Variants in IFT43 observed in about 807,000 individuals in gnomAD.
IFT43 encodes the protein intraflagellar transport 43, also known as intraflagellar transport protein 43 homolog.
In IFT43, 33 loss-of-function variants were observed where a neutral mutation model predicts 32.3. That is an observed-to-expected ratio of 1.02 (90% CI 0.77 to 1.37). The LOEUF is 1.37. Ranked by LOEUF, IFT43 falls within the 40% of genes most tolerant of loss-of-function variation. The pLI, the probability that IFT43 is intolerant of heterozygous loss-of-function variation, is 0.00. For synonymous variants in IFT43, 93 were observed against 98.2 expected, an observed-to-expected ratio of 0.95 and a Z score of 0.31; for missense variants, 274 against 265.9, an observed-to-expected ratio of 1.03 and a Z score of -0.21.
In IFT43 at chr14:76,059,371, G is replaced by C. The variant is rs2037087639; in HGVS notation, c.293G>C (p.Gly98Ala). ...PQSLNGSDYG[G>A]DIPIIPDLEE... is the part of the protein sequence containing the mutation. The stretch of plus-strand genomic sequence containing the variant: ...AGCCTGAATGGATCAGATTATGGAG[G>C]AGGTAAGAGGCCCTTGGAGGAAGTC... The change falls in exon 5 of 9, where the codon GGA (glycine) becomes GCA (alanine). Residue 98 changes from glycine (G) to alanine (A), a missense_variant and splice_region_variant. Coordinates refer to ENST00000314067, the MANE Select transcript of IFT43 (RefSeq NM_001102564.3). 3.1e-6 allele frequency: 5 copies of C among 1,613,996 alleles called. No individual in the cohort carries two copies. Among genetic ancestry groups the C allele is most frequent in the Middle Eastern group, 1.7e-4 (1 of 6,060 alleles).
intron 2 of IFT43, among the ~76,000 whole-genome samples, chr14:76,015,528 A>G (rs1422508851): frequency 6.6e-6 from 1 of 152,336 alleles, no homozygotes; most frequent in South Asian, 2.1e-4. Flanking sequence ...TTATAATACT[A>G]TATCAATTCC....
In IFT43 at chr14:76,081,675, A is replaced by G. The variant is rs116324145; in HGVS notation, c.296-620A>G. The stretch of plus-strand genomic sequence containing the variant: ...AAAATCTTGAGACAGCAAGAAAAGC[A>G]TGATTGTAGAATCAGCATCCCTGAT... On this transcript the variant is annotated intron_variant, in intron 5 of 8. Coordinates refer to ENST00000314067, the MANE Select transcript of IFT43 (RefSeq NM_001102564.3). Among the ~76,000 whole-genome samples the G allele has an allele frequency of 5.3e-3, 810 of 152,334 alleles. 6 individuals are homozygous for G. The highest frequency in any genetic ancestry group is 0.018 in the African/African-American group (766 of 41,570).
chr14:75,990,618 G>A (rs1024611286), intron 2 of IFT43, among the ~76,000 whole-genome samples: 1 of 152,174 alleles, frequency 6.6e-6, no homozygotes, highest in Non-Finnish European at 1.5e-5. Flanking sequence ...GTGTTATGGG[G>A]CCTGGGGCAG....
At chr14:76,025,126 T>G (rs1232070379) in intron 3 of IFT43, among the ~76,000 whole-genome samples, 1 of 152,228 alleles carries the variant, frequency 6.6e-6, no homozygotes, top group East Asian at 1.9e-4. Flanking sequence ...GTGATCGAAT[T>G]TAACTACTTA....
intron 3 of IFT43, among the ~76,000 whole-genome samples, chr14:76,032,899 G>T (rs1415916333): frequency 6.6e-6 from 1 of 152,206 alleles, no homozygotes; most frequent in African/African-American, 2.4e-5. Context: ...GAAGGTCACT[G>T]CAAGGAGCCC....
At chr14:76,011,513 T>G (rs1479099112) in intron 2 of IFT43, among the ~76,000 whole-genome samples, 1 of 152,168 alleles carries the variant, frequency 6.6e-6, no homozygotes, top group Non-Finnish European at 1.5e-5. Flanking sequence ...ATCTCCATTG[T>G]TAAGGAATGT....
Position 76,016,355 on chromosome 14 carries a change from G to A in IFT43, c.148-5972G>A, listed in dbSNP as rs151178232. Reference sequence around the variant, plus strand: ...GTTGTAGGTGTTGTTTTCAAAAATCGTTTGGCTAGAAATACATGGATTTAT... The same window carrying A: ...GTTGTAGGTGTTGTTTTCAAAAATCATTTGGCTAGAAATACATGGATTTAT... On this transcript the variant is annotated intron_variant, in intron 2 of 8. Transcript: ENST00000314067. 5.9e-5 allele frequency among the ~76,000 whole-genome samples: 9 copies of A among 152,150 alleles called. No individual in the cohort carries two copies. In the East Asian group the frequency reaches 1.5e-3, roughly 26 times the overall value.
intron 5 of IFT43, chr14:76,076,524 G>A (rs2037414986): frequency 4.4e-6 from 7 of 1,598,020 alleles, no homozygotes; most frequent in South Asian, 1.1e-5. Flanking sequence ...TACTCCAGGT[G>A]AAGAGCTGGG....
Position 76,082,723 on chromosome 14 carries a change from G to A in IFT43, c.444+31G>A, listed in dbSNP as rs374546922. On this transcript the variant is annotated intron_variant, in intron 7 of 8. Coordinates refer to ENST00000314067, the MANE Select transcript of IFT43 (RefSeq NM_001102564.3). Reference sequence around the variant, plus strand: ...TGGAACAGCTTCTGCATAGAGAGGCGGGCTCCAAGCAATGGGCTTCAATCC... The same window carrying A: ...TGGAACAGCTTCTGCATAGAGAGGCAGGCTCCAAGCAATGGGCTTCAATCC... 33 of 1,478,894 alleles carry A rather than the reference G, an allele frequency of 2.2e-5. No homozygotes were observed. In the African/African-American group the frequency reaches 2.4e-4, roughly 11 times the overall value. 91.6% of individuals were successfully genotyped at this position (1,478,894 alleles called of 1,614,324 possible). A position where few individuals can be genotyped will look rare whatever the true frequency, so the allele number is the denominator to read the frequency against.
intron 1 of IFT43, among the ~76,000 whole-genome samples, chr14:75,987,216 T>G (rs2035546414): frequency 1.3e-5 from 2 of 152,200 alleles, no homozygotes; most frequent in African/African-American, 2.4e-5. Context: ...GATGCTGTAT[T>G]CAGATACTCA....
At chr14:75,986,510 G>A (rs1193874061) in intron 1 of IFT43, among the ~76,000 whole-genome samples, 1 of 151,408 alleles carries the variant, frequency 6.6e-6, no homozygotes, top group Non-Finnish European at 1.5e-5. Context: ...CTTATGCCTA[G>A]AATGGAGGTG....
At chr14:76,034,105 A>G (rs1208285250) in intron 3 of IFT43, among the ~76,000 whole-genome samples, 1 of 152,228 alleles carries the variant, frequency 6.6e-6, no homozygotes, top group African/African-American at 2.4e-5. Context: ...TTTTTGGGTG[A>G]TAATAACAAT....
intron 2 of IFT43, among the ~76,000 whole-genome samples, chr14:76,021,775 CTT>C (rs2036296105): frequency 6.6e-6 from 1 of 152,172 alleles, no homozygotes; most frequent in Non-Finnish European, 1.5e-5. Context: ...ATTTTTAAGG[CTT>C]TCAATAAACT....
At position 75,998,944 on chromosome 14, in the gene IFT43, G is replaced by A. The variant is rs150873411; in HGVS notation, c.147+9967G>A. Among the ~76,000 whole-genome samples, 587 of 151,912 alleles carry A rather than the reference G, an allele frequency of 3.9e-3. 8 individuals are homozygous for A. Among genetic ancestry groups the A allele is most frequent in the South Asian group, 0.037 (178 of 4,770 alleles). ...GAGACAAGGTCATGCTGTGTTGCTCGGGATGACCTTGAACTCCTGGCTTCA... is the reference window on the plus strand; with the variant it reads ...GAGACAAGGTCATGCTGTGTTGCTCAGGATGACCTTGAACTCCTGGCTTCA... On this transcript the variant is annotated intron_variant, in intron 2 of 8. Transcript: ENST00000314067.
intron 3 of IFT43, among the ~76,000 whole-genome samples, chr14:76,024,339 T>A (rs181046310): frequency 2.0e-5 from 3 of 152,378 alleles, no homozygotes; most frequent in African/African-American, 7.2e-5. Flanking sequence ...GGCAGAATTT[T>A]CATGCTAAGG....
chr14:75,997,615 G>T (rs770007151), intron 2 of IFT43, among the ~76,000 whole-genome samples: 1 of 152,154 alleles, frequency 6.6e-6, no homozygotes, highest in Non-Finnish European at 1.5e-5. Flanking sequence ...TCTTTTTTTG[G>T]TATGTGAAAC....
Position 76,013,525 on chromosome 14 carries a change from T to G in IFT43, c.148-8802T>G, listed in dbSNP as rs1594816505. 2.6e-5 allele frequency among the ~76,000 whole-genome samples: 4 copies of G among 152,150 alleles called. No homozygotes were observed. In the South Asian group the frequency reaches 8.3e-4, roughly 32 times the overall value. On this transcript the variant is annotated intron_variant, in intron 2 of 8. Transcript: ENST00000314067. ...TCAGATTGCCCTGGGGAGACAGCCG[T>G]TTTTTGAAATGCGGATAACTAGGTG...
At chr14:76,068,398 C>T (rs2037263536) in intron 5 of IFT43, among the ~76,000 whole-genome samples, 2 of 152,240 alleles carry the variant, frequency 1.3e-5, no homozygotes, top group Admixed American at 6.5e-5. Context: ...ATCCTCCCCA[C>T]ATAAACTGCT....
intron 1 of IFT43, chr14:75,986,249 G>T: frequency 4.7e-6 from 6 of 1,290,060 alleles, no homozygotes; most frequent in Non-Finnish European, 6.1e-6. Context: ...AGAAGTTCCT[G>T]CAAAAGCCGC....
Sources: allele counts gnomAD v4.1 joint callset (sites outside exome capture counted in the v4.1 genomes callset), GRCh38; gene constraint gnomAD v4.1.1; transcripts MANE v1.5; gene names NCBI Gene and HGNC (gene_info 2026-07-23, HGNC 2026-07-21).